ANO6: variants seen among roughly 807,000 people sequenced by gnomAD.
ANO6 encodes anoctamin 6.
ANO6 carries 106 observed loss-of-function variants against 117.5 expected under a neutral mutation model. That is an observed-to-expected ratio of 0.90 (90% CI 0.77 to 1.06). ANO6 has a LOEUF of 1.06. Ranked by LOEUF, ANO6 falls within the 50% of genes least tolerant of loss-of-function variation. The pLI is 0.00. For missense variants in ANO6, 955 were observed against 1,121.1 expected, an observed-to-expected ratio of 0.85 and a Z score of 2.12; for synonymous variants, 367 against 385.1, an observed-to-expected ratio of 0.95 and a Z score of 0.55.
At chr12:45,316,228 T>C (rs1034118984) in intron 2 of ANO6, among the ~76,000 whole-genome samples, 3 of 152,074 alleles carry the variant, frequency 2.0e-5, no homozygotes, top group Admixed American at 1.3e-4. Context: ...ACTAAAAAGA[T>C]GGCACAGTCT....
chr12:45,356,707 G>T (rs1334853682), intron 7 of ANO6, among the ~76,000 whole-genome samples: 2 of 152,128 alleles, frequency 1.3e-5, no homozygotes, highest in South Asian at 2.1e-4. Flanking sequence ...TGTCTCAGGG[G>T]TGATGGGGGA....
intron 1 of ANO6, among the ~76,000 whole-genome samples, chr12:45,259,072 A>T (rs1408452082): frequency 6.6e-6 from 1 of 152,178 alleles, no homozygotes; most frequent in East Asian, 1.9e-4. Context: ...GTGATGCTTG[A>T]ACTGCAGAAT....
intron 1 of ANO6, among the ~76,000 whole-genome samples, 198 bp from the exon 2 acceptor site, chr12:45,301,816 C>A (rs867368294): frequency 6.6e-6 from 1 of 152,154 alleles, no homozygotes; most frequent in Non-Finnish European, 1.5e-5. Context: ...ACAACCCTGG[C>A]ATCGTCTGGT....
intron 1 of ANO6, among the ~76,000 whole-genome samples, chr12:45,234,683 G>T (rs1947620909): frequency 6.6e-6 from 1 of 152,168 alleles, no homozygotes; most frequent in Admixed American, 6.5e-5. Flanking sequence ...GTTAAAACAG[G>T]CTTTAGGCTC....
intron 1 of ANO6, among the ~76,000 whole-genome samples, chr12:45,220,300 T>C (rs1487754588): frequency 6.7e-6 from 1 of 148,882 alleles, no homozygotes. Flanking sequence ...TCCCCATCAC[T>C]AATGGTCATG....
chr12:45,319,435 T>A (rs1054934882), intron 2 of ANO6, among the ~76,000 whole-genome samples: 1 of 152,226 alleles, frequency 6.6e-6, no homozygotes, highest in African/African-American at 2.4e-5. Context: ...TTTGTATATG[T>A]TGAACCAGCC....
intron 2 of ANO6, among the ~76,000 whole-genome samples, chr12:45,328,892 G>C (rs192341651): frequency 6.6e-6 from 1 of 151,916 alleles, no homozygotes; most frequent in Admixed American, 6.6e-5. Context: ...CTTACTTTTC[G>C]TAGTGTAATT....
chr12:45,314,267 A>G (rs1029440080), intron 2 of ANO6, among the ~76,000 whole-genome samples: 1 of 151,902 alleles, frequency 6.6e-6, no homozygotes, highest in Non-Finnish European at 1.5e-5. Context: ...AAGTGTGTTT[A>G]TATAACATTT....
chr12:45,261,933 A>T (rs1040020649), intron 1 of ANO6, among the ~76,000 whole-genome samples: 3 of 152,246 alleles, frequency 2.0e-5, no homozygotes, highest in Non-Finnish European at 4.4e-5. Context: ...TGGACTATAC[A>T]GTGAAGGCAA....
intron 19 of ANO6, among the ~76,000 whole-genome samples, chr12:45,425,951 G>A (rs1477563830): frequency 1.3e-5 from 2 of 152,148 alleles, no homozygotes; most frequent in Non-Finnish European, 2.9e-5. Context: ...TAGGCTCTTG[G>A]AAACCATGAC....
chr12:45,310,430 G>GA (rs1240790376), intron 2 of ANO6, among the ~76,000 whole-genome samples: 1 of 152,024 alleles, frequency 6.6e-6, no homozygotes, highest in Non-Finnish European at 1.5e-5. Flanking sequence ...CAAGGCTTGT[G>GA]AAAAAATGCT....
At chr12:45,392,236 C>T (rs1292283888) in intron 12 of ANO6, among the ~76,000 whole-genome samples, 1 of 152,222 alleles carries the variant, frequency 6.6e-6, no homozygotes, top group Non-Finnish European at 1.5e-5. Context: ...GCCCAAGGAG[C>T]CTTCCTGACT....
At chr12:45,351,234 AC>A in intron 7 of ANO6, among the ~76,000 whole-genome samples, 1 of 152,234 alleles carries the variant, frequency 6.6e-6, no homozygotes, top group Non-Finnish European at 1.5e-5. Context: ...TGGGATGCAG[AC>A]CCACCAAATT....
intron 9 of ANO6, among the ~76,000 whole-genome samples, chr12:45,369,489 G>A (rs1363875160): frequency 6.7e-6 from 1 of 149,762 alleles, no homozygotes; most frequent in Non-Finnish European, 1.5e-5. Context: ...ACCCCTGTGT[G>A]CATTTTTTTG....
chr12:45,279,880 T>A (rs574581404), intron 1 of ANO6, among the ~76,000 whole-genome samples: 1 of 152,374 alleles, frequency 6.6e-6, no homozygotes, highest in Admixed American at 6.5e-5. Flanking sequence ...CTTGTATTTT[T>A]TAGTCAGTCT....
At chr12:45,265,312 C>T (rs1167751051) in intron 1 of ANO6, among the ~76,000 whole-genome samples, 1 of 152,098 alleles carries the variant, frequency 6.6e-6, no homozygotes, top group Non-Finnish European at 1.5e-5. Flanking sequence ...ATAAATATAG[C>T]ACACTCCATT....
intron 1 of ANO6, among the ~76,000 whole-genome samples, chr12:45,229,043 C>A (rs963998773): frequency 6.6e-6 from 1 of 152,088 alleles, no homozygotes; most frequent in Admixed American, 6.5e-5. Flanking sequence ...TTCCAAGCCC[C>A]CAGCTAAGTG....
intron 1 of ANO6, chr12:45,228,065 A>G (rs1947512697): frequency 3.2e-6 from 1 of 312,218 alleles, no homozygotes; most frequent in Non-Finnish European, 6.3e-6. Context: ...GAATGTAGGG[A>G]TTATAGTTCC....
chr12:45,428,749 AG>A (rs1285900132), intron 19 of ANO6, among the ~76,000 whole-genome samples: 2 of 152,238 alleles, frequency 1.3e-5, no homozygotes, highest in African/African-American at 4.8e-5. Flanking sequence ...CTTTTGGAGA[AG>A]TGCAAGGCCA....
Sources: allele counts gnomAD v4.1 joint callset (sites outside exome capture counted in the v4.1 genomes callset), GRCh38; gene constraint gnomAD v4.1.1; transcripts MANE v1.5; gene names NCBI Gene and HGNC (gene_info 2026-07-23, HGNC 2026-07-21).